DOCK4: variants seen among roughly 807,000 people sequenced by gnomAD.
DOCK4 encodes dedicator of cytokinesis 4.
In DOCK4, 97 loss-of-function variants were observed where a neutral mutation model predicts 268.1. The ratio of observed to expected loss-of-function variants is 0.36; its 90% CI spans 0.31 to 0.43. The LOEUF is 0.43. Ranked by LOEUF, DOCK4 falls within the 20% of genes least tolerant of loss-of-function variation. The pLI is 1.00. For missense variants in DOCK4, 2,145 were observed against 2,455.7 expected (o/e 0.87, Z 2.67); for synonymous variants, 954 against 887.2 (o/e 1.08, Z -1.34).
chr7:112,162,716 C>A (rs1817243628), intron 1 of DOCK4, among the ~76,000 whole-genome samples: 2 of 152,120 alleles, frequency 1.3e-5, no homozygotes, highest in South Asian at 2.1e-4. Flanking sequence ...CTGGTTCACA[C>A]AATGTACAAA....
intron 1 of DOCK4, among the ~76,000 whole-genome samples, chr7:112,030,686 C>T (rs976275775): frequency 2.0e-5 from 3 of 152,082 alleles, no homozygotes; most frequent in Non-Finnish European, 4.4e-5. Flanking sequence ...CTGAGACAGA[C>T]GAAAGCCTAG....
chr7:112,054,740 T>C (rs1252305612), intron 1 of DOCK4, among the ~76,000 whole-genome samples: 1 of 152,214 alleles, frequency 6.6e-6, no homozygotes, highest in Non-Finnish European at 1.5e-5. Context: ...TTTACATTTA[T>C]TTAGAAGTTT....
chr7:112,140,599 C>T (rs1463276350), intron 1 of DOCK4, among the ~76,000 whole-genome samples: 4 of 133,808 alleles, frequency 3.0e-5, no homozygotes, highest in Admixed American at 7.6e-5. Context: ...TCCTGCTCCC[C>T]GACAAAAAAA....
chr7:111,990,938 G>A lies in DOCK4; in HGVS notation c.316-1775C>T, dbSNP rs146353264. 7.6e-3 allele frequency among the ~76,000 whole-genome samples: 1,155 copies of A among 152,238 alleles called. 7 individuals carry two copies. Among genetic ancestry groups the A allele is most frequent in the Non-Finnish European group, 0.012 (796 of 68,014 alleles). On this transcript the variant is annotated intron_variant, in intron 5 of 52. Coordinates refer to ENST00000428084, the MANE Select transcript of DOCK4 (RefSeq NM_001363540.2). The stretch of plus-strand genomic sequence containing the variant: ...CTCAAGAGGTAGATTCTGTACAGGC[G>A]ATACAAACACTTGAGGAAGTCAGTG...
chr7:112,018,143 C>CAAAA lies in DOCK4; in HGVS notation c.38-14016_38-14013dup, dbSNP rs140883588. On this transcript the variant is annotated intron_variant, in intron 1 of 52. Transcript: ENST00000428084. ...TGGGCAACACAGCAAGACTCCAGCTCAAAAAAAAAAAAAAAAAAAAAAAAA... is the reference window on the plus strand; with the variant it reads ...TGGGCAACACAGCAAGACTCCAGCTCAAAAAAAAAAAAAAAAAAAAAAAAAAAAA... Among the ~76,000 whole-genome samples the CAAAA allele has an allele frequency of 4.8e-4, 10 of 20,640 alleles. 4 individuals are homozygous for CAAAA. Among genetic ancestry groups the CAAAA allele is most frequent in the Non-Finnish European group, 4.8e-4 (6 of 12,462 alleles). The allele number at this position is 20,640 out of a possible 152,430, so 13.5% of individuals were successfully genotyped here.
intron 1 of DOCK4, among the ~76,000 whole-genome samples, chr7:112,018,179 A>AAAAAAAACACACAC: frequency 1.4e-5 from 1 of 72,590 alleles, no homozygotes; most frequent in African/African-American, 5.4e-5. Context: ...AAAAAAAAAA[A>AAAAAAAACACACAC]ACACAGGCAA....
chr7:111,810,201 C>T (rs1008731671), intron 28 of DOCK4, among the ~76,000 whole-genome samples: 3 of 152,098 alleles, frequency 2.0e-5, no homozygotes, highest in East Asian at 3.9e-4. Flanking sequence ...TGCCTGTAAT[C>T]CCAGCACTTT....
At chr7:111,846,256 C>T (rs543065074) in intron 24 of DOCK4, among the ~76,000 whole-genome samples, 56 of 152,262 alleles carry the variant, frequency 3.7e-4, no homozygotes, top group South Asian at 6.2e-4. Context: ...TGCCAAACTC[C>T]GCTCCATAAA....
chr7:112,150,821 CA>C (rs983868697), intron 1 of DOCK4, among the ~76,000 whole-genome samples: 3 of 152,178 alleles, frequency 2.0e-5, no homozygotes, highest in African/African-American at 7.2e-5. Flanking sequence ...TATATTCAGA[CA>C]CCATTTCCTA....
chr7:111,756,232 C>T (rs1177212844), intron 41 of DOCK4, among the ~76,000 whole-genome samples: 1 of 152,134 alleles, frequency 6.6e-6, no homozygotes, highest in East Asian at 1.9e-4. Context: ...ACCTGTAGTC[C>T]CAGCTACTTG....
intron 39 of DOCK4, among the ~76,000 whole-genome samples, chr7:111,764,063 G>A (rs565019046): frequency 5.9e-5 from 9 of 152,204 alleles, no homozygotes; most frequent in South Asian, 2.1e-4. Context: ...CTTTGTGACC[G>A]CCCACTACAC....
intron 13 of DOCK4, among the ~76,000 whole-genome samples, chr7:111,909,614 T>C (rs2894625): frequency 0.031 from 4,756 of 152,318 alleles, 296 homozygotes; most frequent in East Asian, 0.3. Flanking sequence ...CTCAGATTAC[T>C]ATTAAAACTG....
chr7:112,145,130 T>C (rs1262299943), intron 1 of DOCK4, among the ~76,000 whole-genome samples: 1 of 152,080 alleles, frequency 6.6e-6, no homozygotes, highest in Non-Finnish European at 1.5e-5. Flanking sequence ...TAGGGAGGTA[T>C]AAAGGCAGCA....
At chr7:111,983,842 A>G (rs1376457079) in intron 7 of DOCK4, among the ~76,000 whole-genome samples, 1 of 93,296 alleles carries the variant, frequency 1.1e-5, no homozygotes, top group Admixed American at 1.2e-4. Context: ...ATGTACACAC[A>G]CACGCGCGCG....
At chr7:112,026,307 C>CA (rs1342286347) in intron 1 of DOCK4, among the ~76,000 whole-genome samples, 7 of 152,208 alleles carry the variant, frequency 4.6e-5, no homozygotes, top group Admixed American at 1.3e-4. Flanking sequence ...CTATGAACTG[C>CA]ACATGTGAGG....
chr7:111,774,979 T>C (rs1798355158), intron 36 of DOCK4, among the ~76,000 whole-genome samples: 2 of 152,228 alleles, frequency 1.3e-5, no homozygotes, highest in Admixed American at 6.5e-5. Flanking sequence ...TTGTAGTTTG[T>C]TGACTCCTGT....
chr7:112,115,154 G>A (rs1269204677), intron 1 of DOCK4, among the ~76,000 whole-genome samples: 2 of 152,192 alleles, frequency 1.3e-5, no homozygotes, highest in African/African-American at 4.8e-5. Context: ...ATATCTGACT[G>A]TTGTTTCAAC....
At chr7:111,831,121 C>A (rs916490793) in intron 26 of DOCK4, among the ~76,000 whole-genome samples, 4 of 152,158 alleles carry the variant, frequency 2.6e-5, no homozygotes, top group African/African-American at 9.7e-5. Flanking sequence ...TACTAAACAT[C>A]TCCATCTGAA....
At chr7:112,106,782 T>C (rs1055458590) in intron 1 of DOCK4, among the ~76,000 whole-genome samples, 9 of 152,156 alleles carry the variant, frequency 5.9e-5, no homozygotes, top group African/African-American at 2.2e-4. Flanking sequence ...GAGGTGGACA[T>C]GTTAAGTTCC....
Sources: gnomAD v4.1 joint callset for allele counts (sites outside exome capture counted in the v4.1 genomes callset) on GRCh38, gnomAD v4.1.1 for gene constraint, MANE v1.5 for transcripts, NCBI Gene and HGNC (gene_info 2026-07-23, HGNC 2026-07-21) for gene names.